ITFG1: variants seen among roughly 807,000 people sequenced by gnomAD.
ITFG1 encodes T-cell immunomodulatory protein.
In ITFG1, 34 loss-of-function variants were observed where a neutral mutation model predicts 81.8. The ratio of observed to expected loss-of-function variants is 0.42; its 90% CI spans 0.32 to 0.55. The LOEUF (loss-of-function observed/expected upper bound fraction) is 0.55. Among genes scored for constraint, ITFG1 ranks in the 20% least tolerant of loss-of-function variants. The probability of loss-of-function intolerance (pLI) is 0.17; values close to 1 mark genes in which losing one functional copy is unlikely to be tolerated. For synonymous variants in ITFG1, 285 were observed against 270.6 expected (o/e 1.05, Z -0.52); for missense variants, 672 against 755.4 (o/e 0.89, Z 1.29).
At position 47,439,947 on chromosome 16, in the gene ITFG1, C is replaced by T. The variant is rs145509399; in HGVS notation, c.561-11049G>A. ...TGCTGTATTCAGGAAACTCATCTCA[C>T]GTGCAGAGACACACATAGGCTCAAA... On this transcript the variant is annotated intron_variant, in intron 5 of 17. Transcript: ENST00000320640. Among the ~76,000 whole-genome samples, 534 of 152,208 alleles carry T rather than the reference C, an allele frequency of 3.5e-3. 1 individual carries two copies. The highest frequency in any genetic ancestry group is 0.012 in the African/African-American group (494 of 41,514).
At chr16:47,224,397 T>C (rs1274729906) in intron 13 of ITFG1, among the ~76,000 whole-genome samples, 1 of 152,184 alleles carries the variant, frequency 6.6e-6, no homozygotes, top group South Asian at 2.1e-4. Context: ...TAGAAGTCCA[T>C]GAACATATGC....
intron 8 of ITFG1, among the ~76,000 whole-genome samples, chr16:47,358,899 T>C (rs1968074209): frequency 6.6e-6 from 1 of 152,110 alleles, no homozygotes; most frequent in Admixed American, 6.6e-5. Flanking sequence ...ATGAATACCA[T>C]GTCAGCAATA....
chr16:47,368,707 T>C (rs1164278836), intron 7 of ITFG1, among the ~76,000 whole-genome samples: 1 of 152,052 alleles, frequency 6.6e-6, no homozygotes, highest in Non-Finnish European at 1.5e-5. Context: ...ATATACTAAC[T>C]GAAGTGAACA....
chr16:47,220,293 C>T (rs966363763), intron 13 of ITFG1, among the ~76,000 whole-genome samples: 15 of 152,192 alleles, frequency 9.9e-5, no homozygotes, highest in African/African-American at 3.6e-4. Context: ...AAACTATTTT[C>T]ATAATAATAC....
chr16:47,239,046 C>T (rs1965904994), intron 12 of ITFG1, among the ~76,000 whole-genome samples: 1 of 152,096 alleles, frequency 6.6e-6, no homozygotes, highest in Admixed American at 6.5e-5. Context: ...TCTTTTGACC[C>T]CTTCTGCCAT....
intron 12 of ITFG1, among the ~76,000 whole-genome samples, chr16:47,250,900 A>G (rs1384544306): frequency 6.6e-6 from 1 of 152,184 alleles, no homozygotes; most frequent in African/African-American, 2.4e-5. Flanking sequence ...AGGGCTGAGG[A>G]AAGAAGGGGA....
chr16:47,155,605 C>T lies in ITFG1; in HGVS notation c.*114G>A. 1.4e-6 allele frequency: 1 copy of T among 692,366 alleles called. No homozygotes were observed. Among genetic ancestry groups the T allele is most frequent in the South Asian group, 2.0e-5 (1 of 50,036 alleles). 42.9% of individuals were successfully genotyped at this position (692,366 alleles called of 1,614,324 possible). On this transcript the variant is annotated 3_prime_UTR_variant, in exon 18 of 18. Coordinates refer to ENST00000320640, the MANE Select transcript of ITFG1 (RefSeq NM_030790.5). The stretch of plus-strand genomic sequence containing the variant: ...TATTTGAATACTTTCCAATAATTAC[C>T]ATGGGATACATCATTTATAAATAAT...
chr16:47,380,048 CAAAAA>C (rs763213367), intron 6 of ITFG1, among the ~76,000 whole-genome samples: 2 of 49,102 alleles, frequency 4.1e-5, no homozygotes, highest in African/African-American at 6.4e-5. Flanking sequence ...CTTGGGTAGC[CAAAAA>C]AAAAAAAAAA....
chr16:47,269,484 A>AT (rs1555507185), intron 10 of ITFG1, among the ~76,000 whole-genome samples: 4 of 137,504 alleles, frequency 2.9e-5, no homozygotes, highest in African/African-American at 1.2e-4. Context: ...CCCTGTCTCT[A>AT]TTAAAAAAAA....
intron 8 of ITFG1, among the ~76,000 whole-genome samples, chr16:47,357,047 A>G (rs1421619180): frequency 6.6e-6 from 1 of 152,184 alleles, no homozygotes; most frequent in Non-Finnish European, 1.5e-5. Context: ...GCAATAAAAA[A>G]AAAAAAGAAA....
intron 8 of ITFG1, among the ~76,000 whole-genome samples, chr16:47,348,986 A>T (rs1967905291): frequency 6.6e-6 from 1 of 152,140 alleles, no homozygotes; most frequent in Non-Finnish European, 1.5e-5. Context: ...GGAGAAATAA[A>T]ATACTTTACA....
chr16:47,308,933 C>T (rs1967213022), intron 10 of ITFG1, among the ~76,000 whole-genome samples: 1 of 152,010 alleles, frequency 6.6e-6, no homozygotes, highest in Non-Finnish European at 1.5e-5. Flanking sequence ...CTGTATCATA[C>T]AAAGGTGATA....
intron 6 of ITFG1, among the ~76,000 whole-genome samples, chr16:47,421,670 T>A (rs1426203371): frequency 1.3e-5 from 2 of 152,180 alleles, no homozygotes; most frequent in African/African-American, 2.4e-5. Context: ...TGATAGGTGA[T>A]TAATTATTCC....
Position 47,353,901 on chromosome 16 carries a change from A to T in ITFG1, c.802+11887T>A, listed in dbSNP as rs1968002074. ...AATTGAATCAGATACAAATAATGAA[A>T]AGATACCCTGTGTTCATGAATCGCA... On this transcript the variant is annotated intron_variant, in intron 8 of 17. Coordinates refer to ENST00000320640, the MANE Select transcript of ITFG1 (RefSeq NM_030790.5). Among the ~76,000 whole-genome samples the T allele has an allele frequency of 2.0e-5, 3 of 152,192 alleles. No individual in the cohort carries two copies. The South Asian group carries it at 6.2e-4, about 31-fold the overall frequency.
At chr16:47,269,411 G>A (rs1364019726) in intron 10 of ITFG1, among the ~76,000 whole-genome samples, 1 of 150,764 alleles carries the variant, frequency 6.6e-6, no homozygotes, top group Non-Finnish European at 1.5e-5. Context: ...ACTTTGGGGA[G>A]GCCATGACAG....
rs573175550 is a variant in ITFG1, at chr16:47,324,599, G to A, written c.803-10776C>T. On this transcript the variant is annotated intron_variant, in intron 8 of 17. Coordinates refer to ENST00000320640, the MANE Select transcript of ITFG1 (RefSeq NM_030790.5). ...GCTGTATTCAGGAAACTCATCTCAT[G>A]TGCAGAGACACACATAGGCTCAAAA... Among the ~76,000 whole-genome samples, 22 of 152,270 alleles carry A rather than the reference G, an allele frequency of 1.4e-4. No homozygotes were observed. The East Asian group carries it at 4.0e-3, about 28-fold the overall frequency.
At chr16:47,159,672 A>G (rs1246984465) in intron 16 of ITFG1, among the ~76,000 whole-genome samples, 1 of 152,172 alleles carries the variant, frequency 6.6e-6, no homozygotes, top group Admixed American at 6.5e-5. Flanking sequence ...GCACACCCTG[A>G]AAGCCTAAAA....
chr16:47,268,312 GAA>G (rs1350232173), intron 10 of ITFG1, among the ~76,000 whole-genome samples: 7 of 152,114 alleles, frequency 4.6e-5, no homozygotes, highest in African/African-American at 1.7e-4. Flanking sequence ...GAATTCCCTG[GAA>G]GTCACAAAAC....
chr16:47,282,036 A>T lies in ITFG1; in HGVS notation c.1071-21341T>A, dbSNP rs190714423. Among the ~76,000 whole-genome samples, 9 of 151,826 alleles carry T rather than the reference A, an allele frequency of 5.9e-5. No individual in the cohort carries two copies. The East Asian group carries it at 1.8e-3, about 30-fold the overall frequency. ...TGGGTACAATATATACTATTTGTATACATAGTTAATAGTTATACAATGTAA... is the reference window on the plus strand; with the variant it reads ...TGGGTACAATATATACTATTTGTATTCATAGTTAATAGTTATACAATGTAA... On this transcript the variant is annotated intron_variant, in intron 10 of 17. Coordinates refer to ENST00000320640, the MANE Select transcript of ITFG1 (RefSeq NM_030790.5).
Sources: allele counts gnomAD v4.1 joint callset (sites outside exome capture counted in the v4.1 genomes callset), GRCh38; gene constraint gnomAD v4.1.1; transcripts MANE v1.5; gene names NCBI Gene and HGNC (gene_info 2026-07-23, HGNC 2026-07-21).